The following RNF13 variants were observed in gnomAD, a reference collection of about 807,000 sequenced individuals.
RNF13 encodes the protein E3 ubiquitin-protein ligase RNF13.
RNF13 carries 19 observed loss-of-function variants against 37.7 expected under a neutral mutation model. That is an observed-to-expected ratio of 0.50 (90% CI 0.35 to 0.74). The LOEUF is 0.74. Ranked by LOEUF, RNF13 falls within the 30% of genes least tolerant of loss-of-function variation. The pLI is 0.01. For missense variants in RNF13, 375 were observed against 453.0 expected (o/e 0.83, Z 1.56); for synonymous variants, 144 against 157.8 (o/e 0.91, Z 0.65).
rs1221965084 is a variant in RNF13, at chr3:149,862,596, G to C, written c.196-9433G>C. Among the ~76,000 whole-genome samples the C allele has an allele frequency of 1.1e-4, 16 of 151,830 alleles. 1 individual carries two copies. Among genetic ancestry groups the C allele is most frequent in the Admixed American group, 9.2e-4 (14 of 15,254 alleles). On this transcript the variant is annotated intron_variant, in intron 3 of 9. Coordinates refer to ENST00000392894, the MANE Select transcript of RNF13 (RefSeq NM_183381.3). ...ATCTAACACTATATTTGAAATTTTT[G>C]TTATTACATATTCCTAATTCATTTT...
chr3:149,950,045 A>G (rs1294971851), intron 8 of RNF13, among the ~76,000 whole-genome samples: 5 of 152,156 alleles, frequency 3.3e-5, no homozygotes, highest in South Asian at 4.1e-4. Context: ...AAGCTCAAAG[A>G]TACTTTGCTC....
At chr3:149,929,313 C>A (rs1213724310) in intron 8 of RNF13, among the ~76,000 whole-genome samples, 1 of 152,088 alleles carries the variant, frequency 6.6e-6, no homozygotes, top group African/African-American at 2.4e-5. Flanking sequence ...CTTATAAAAC[C>A]ATCAGATCTC....
intron 4 of RNF13, among the ~76,000 whole-genome samples, chr3:149,888,119 T>C (rs888382909): frequency 3.3e-5 from 5 of 152,116 alleles, no homozygotes; most frequent in African/African-American, 1.2e-4. Context: ...GTAGATGAAT[T>C]TTCCCAGTAT....
chr3:149,876,090 T>TA (rs1712657948), intron 4 of RNF13, among the ~76,000 whole-genome samples: 1 of 152,214 alleles, frequency 6.6e-6, no homozygotes, highest in African/African-American at 2.4e-5. Context: ...AGACAAGTTA[T>TA]AAAAAAATCT....
intron 1 of RNF13, among the ~76,000 whole-genome samples, chr3:149,830,814 C>CA (rs1720950068): frequency 6.6e-6 from 1 of 152,206 alleles, no homozygotes. Context: ...CCTCCTATCA[C>CA]ACGCCCAGAG....
intron 1 of RNF13, among the ~76,000 whole-genome samples, chr3:149,831,089 G>A (rs1720988635): frequency 6.6e-6 from 1 of 152,384 alleles, no homozygotes; most frequent in Non-Finnish European, 1.5e-5. Context: ...TGTCCAGACA[G>A]AAGTTTGCTG....
rs149222324 is a variant in RNF13, at chr3:149,834,316, C to T, written c.-16-11695C>T. On this transcript the variant is annotated intron_variant, in intron 1 of 9. Coordinates refer to ENST00000392894, the MANE Select transcript of RNF13 (RefSeq NM_183381.3). ...AAATAGCCAAAACAAAGTTGTAGGT[C>T]GTATACTTCCTGATTTCAAAACTTA... Among the ~76,000 whole-genome samples the T allele has an allele frequency of 2.6e-4, 39 of 152,218 alleles. No homozygotes were observed. In the East Asian group the frequency reaches 6.2e-3, roughly 24 times the overall value.
Position 149,815,862 on chromosome 3 carries a change from G to A in RNF13, c.-17+2509G>A, listed in dbSNP as rs138909866. Among the ~76,000 whole-genome samples the A allele has an allele frequency of 9.2e-5, 14 of 152,070 alleles. No homozygotes were observed. In the East Asian group the frequency reaches 1.7e-3, roughly 19 times the overall value. Reference sequence around the variant, plus strand: ...TTCTAAGTGCTTTATAATATCTCAGGTGGTTCTTACAGTCATTGATGTGGT... The same window carrying A: ...TTCTAAGTGCTTTATAATATCTCAGATGGTTCTTACAGTCATTGATGTGGT... On this transcript the variant is annotated intron_variant, in intron 1 of 9. Coordinates refer to ENST00000392894, the MANE Select transcript of RNF13 (RefSeq NM_183381.3).
chr3:149,952,679 A>G (rs926174909), intron 8 of RNF13, among the ~76,000 whole-genome samples: 6 of 151,878 alleles, frequency 4.0e-5, no homozygotes, highest in African/African-American at 1.5e-4. Flanking sequence ...GGCTCATCAC[A>G]ACCTCTGCCT....
At chr3:149,902,627 T>C (rs1325777427) in intron 6 of RNF13, among the ~76,000 whole-genome samples, 2 of 152,104 alleles carry the variant, frequency 1.3e-5, no homozygotes, top group Non-Finnish European at 2.9e-5. Context: ...AGAACTTTTA[T>C]ATGAAACTCT....
chr3:149,917,689 G>C (rs1484863347), intron 7 of RNF13, among the ~76,000 whole-genome samples: 7 of 152,106 alleles, frequency 4.6e-5, no homozygotes, highest in Admixed American at 2.0e-4. Flanking sequence ...TTGTGTTGAG[G>C]TAAGAAAACA....
intron 1 of RNF13, among the ~76,000 whole-genome samples, chr3:149,840,496 A>AT (rs891900362): frequency 2.6e-4 from 40 of 152,212 alleles, no homozygotes; most frequent in African/African-American, 8.4e-4. Flanking sequence ...ATTTTACTAG[A>AT]TTTTTTTCTA....
intron 8 of RNF13, among the ~76,000 whole-genome samples, chr3:149,955,214 T>C (rs918757121): frequency 2.0e-5 from 3 of 152,050 alleles, no homozygotes; most frequent in Non-Finnish European, 2.9e-5. Flanking sequence ...AAAAGCAACA[T>C]AGCATTTTAG....
At chr3:149,842,985 T>C (rs1576749283) in intron 1 of RNF13, among the ~76,000 whole-genome samples, 1 of 152,316 alleles carries the variant, frequency 6.6e-6, no homozygotes, top group East Asian at 1.9e-4. Flanking sequence ...GCCCCCAATT[T>C]TGCTAAAAAC....
At chr3:149,893,590 T>A (rs901706533) in intron 4 of RNF13, among the ~76,000 whole-genome samples, 1 of 152,208 alleles carries the variant, frequency 6.6e-6, no homozygotes, top group Admixed American at 6.5e-5. Context: ...ACTGCCATGG[T>A]AATATAATGC....
chr3:149,920,583 G>A (rs1486880455), intron 7 of RNF13, among the ~76,000 whole-genome samples: 1 of 151,954 alleles, frequency 6.6e-6, no homozygotes, highest in African/African-American at 2.4e-5. Flanking sequence ...TTTGGTATTT[G>A]GTTTTTGGCC....
chr3:149,822,270 A>G (rs1720054958), intron 1 of RNF13, among the ~76,000 whole-genome samples: 1 of 152,054 alleles, frequency 6.6e-6, no homozygotes, highest in South Asian at 2.1e-4. Context: ...GTCTTTGAGT[A>G]CCTGGATGTG....
At position 149,954,726 on chromosome 3, in the gene RNF13, T is replaced by TAA. The variant is rs1201713630; in HGVS notation, c.701-5328_701-5327dup. On this transcript the variant is annotated intron_variant, in intron 8 of 9. Transcript: ENST00000392894. The stretch of plus-strand genomic sequence containing the variant: ...AGAAATGTTCATGCTGATTAATAGT[T>TAA]AAATGATTTAAGTATTAACTTACCC... Among the ~76,000 whole-genome samples the TAA allele has an allele frequency of 2.0e-5, 3 of 152,332 alleles. No individual in the cohort carries two copies. In the East Asian group the frequency reaches 5.8e-4, roughly 29 times the overall value.
At chr3:149,889,286 A>AGTGCGC (rs1414977086) in intron 4 of RNF13, among the ~76,000 whole-genome samples, 1 of 45,338 alleles carries the variant, frequency 2.2e-5, no homozygotes. Context: ...TCTGAATTTG[A>AGTGCGC]GTGTGCGTGT....
Sources: gnomAD v4.1 joint callset for allele counts (sites outside exome capture counted in the v4.1 genomes callset) on GRCh38, gnomAD v4.1.1 for gene constraint, MANE v1.5 for transcripts, NCBI Gene and HGNC (gene_info 2026-07-23, HGNC 2026-07-21) for gene names.